CCDC178: variants seen among roughly 807,000 people sequenced by gnomAD.
CCDC178 encodes coiled-coil domain-containing protein 178.
A neutral mutation model predicts 117.4 loss-of-function variants in CCDC178; 126 were observed. The observed-to-expected ratio is 1.07, with a 90% confidence interval of 0.93 to 1.24. The LOEUF (loss-of-function observed/expected upper bound fraction) is 1.24. Among genes scored for constraint, CCDC178 ranks in the 50% most tolerant of loss-of-function variants. The probability of loss-of-function intolerance (pLI) is 0.00; values close to 1 mark genes in which losing one functional copy is unlikely to be tolerated. For synonymous variants in CCDC178, 283 were observed against 313.4 expected (o/e 0.90, Z 1.02); for missense variants, 1,030 against 986.9 (o/e 1.04, Z -0.59).
chr18:33,411,482 T>A (rs1416119654), intron 3 of CCDC178, among the ~76,000 whole-genome samples: 1 of 152,132 alleles, frequency 6.6e-6, no homozygotes, highest in African/African-American at 2.4e-5. Flanking sequence ...CTGTTTTATA[T>A]CATGCAAAGA....
intron 20 of CCDC178, among the ~76,000 whole-genome samples, chr18:33,174,125 G>A (rs1235388739): frequency 1.3e-5 from 2 of 151,742 alleles, no homozygotes; most frequent in African/African-American, 2.4e-5. Context: ...ATGGTGGAAG[G>A]CAAAGGGGGA....
chr18:32,964,677 C>T (rs536058079), intron 22 of CCDC178, among the ~76,000 whole-genome samples: 27 of 151,986 alleles, frequency 1.8e-4, no homozygotes, highest in African/African-American at 3.6e-4. Context: ...ACCTGCTTCA[C>T]GTCCCAGATG....
intron 11 of CCDC178, among the ~76,000 whole-genome samples, chr18:33,308,933 T>C (rs1308220536): frequency 6.6e-6 from 1 of 152,194 alleles, no homozygotes; most frequent in Non-Finnish European, 1.5e-5. Context: ...TCTTTATAAA[T>C]TACCCAGTGT....
intron 21 of CCDC178, among the ~76,000 whole-genome samples, chr18:33,026,789 A>C (rs1212108979): frequency 1.3e-5 from 2 of 151,942 alleles, no homozygotes; most frequent in Admixed American, 6.6e-5. Flanking sequence ...CAAATGAAGA[A>C]AAAAAGCAAT....
At chr18:33,370,756 G>A (rs145483452) in intron 5 of CCDC178, among the ~76,000 whole-genome samples, 2 of 151,866 alleles carry the variant, frequency 1.3e-5, no homozygotes, top group African/African-American at 4.8e-5. Flanking sequence ...AGTCTCATAC[G>A]AAGAGTGATT....
At chr18:33,344,471 A>C (rs1239923590) in intron 9 of CCDC178, among the ~76,000 whole-genome samples, 1 of 152,158 alleles carries the variant, frequency 6.6e-6, no homozygotes, top group Non-Finnish European at 1.5e-5. Flanking sequence ...TGTCACCCAT[A>C]ACAAATATTT....
intron 3 of CCDC178, among the ~76,000 whole-genome samples, chr18:33,402,445 G>A (rs180989888): frequency 3.3e-5 from 5 of 152,316 alleles, no homozygotes; most frequent in African/African-American, 4.8e-5. Flanking sequence ...GATATCGGAG[G>A]AGGAAGAAGA....
At chr18:33,314,069 C>T (rs1198155461) in intron 11 of CCDC178, among the ~76,000 whole-genome samples, 1 of 149,336 alleles carries the variant, frequency 6.7e-6, no homozygotes, top group African/African-American at 2.5e-5. Flanking sequence ...GGCGTAGTGG[C>T]GGGCGCCTGT....
At chr18:33,284,449 A>G (rs1030254766) in intron 12 of CCDC178, among the ~76,000 whole-genome samples, 3 of 152,228 alleles carry the variant, frequency 2.0e-5, no homozygotes, top group Admixed American at 1.3e-4. Flanking sequence ...TAATATTGAA[A>G]TAAGTTTTTA....
At position 33,180,994 on chromosome 18, in the gene CCDC178, CT is replaced by C. The variant is rs940735359; in HGVS notation, c.2238+30901del. On this transcript the variant is annotated intron_variant, in intron 20 of 22. Coordinates refer to ENST00000383096, the MANE Select transcript of CCDC178 (RefSeq NM_001105528.4). ...CACAATTTGGTGCATCCTCTAATGA[CT>C]TTTTTTTTCTAAAGGCAGCTTATAG... is the stretch of plus-strand genomic sequence containing the variant. Among the ~76,000 whole-genome samples, 358 of 151,606 alleles carry C rather than the reference CT, an allele frequency of 2.4e-3. 2 individuals are homozygous for C. The highest frequency in any genetic ancestry group is 7.8e-3 in the African/African-American group (322 of 41,408).
chr18:33,332,574 G>C (rs558832363), intron 10 of CCDC178, among the ~76,000 whole-genome samples: 1 of 151,850 alleles, frequency 6.6e-6, no homozygotes, highest in African/African-American at 2.4e-5. Flanking sequence ...TGAAGTTCTT[G>C]TTTTGTTTTG....
intron 12 of CCDC178, among the ~76,000 whole-genome samples, chr18:33,292,367 A>G (rs2060177424): frequency 6.6e-6 from 1 of 152,184 alleles, no homozygotes; most frequent in South Asian, 2.1e-4. Flanking sequence ...TGGAAGCTAA[A>G]CAGGTTGATC....
intron 22 of CCDC178, among the ~76,000 whole-genome samples, chr18:32,966,100 C>T (rs2054808413): frequency 6.6e-6 from 1 of 151,384 alleles, no homozygotes; most frequent in African/African-American, 2.4e-5. Flanking sequence ...AATGTTTACT[C>T]TATAATGTAT....
chr18:33,063,616 C>T (rs2056965648), intron 21 of CCDC178, among the ~76,000 whole-genome samples: 1 of 152,178 alleles, frequency 6.6e-6, no homozygotes, highest in African/African-American at 2.4e-5. Flanking sequence ...ACTACCACTA[C>T]ACACGCTGTA....
At chr18:33,276,894 G>A (rs953010143) in intron 12 of CCDC178, among the ~76,000 whole-genome samples, 3 of 152,028 alleles carry the variant, frequency 2.0e-5, no homozygotes, top group Non-Finnish European at 4.4e-5. Context: ...AAAGATTCTT[G>A]AGAAAATTCA....
At chr18:33,422,329 A>G (rs574364562) in intron 2 of CCDC178, among the ~76,000 whole-genome samples, 1 of 152,074 alleles carries the variant, frequency 6.6e-6, no homozygotes, top group East Asian at 1.9e-4. Context: ...GATTGTCTTT[A>G]CCCATTTTCC....
At position 33,194,558 on chromosome 18, in the gene CCDC178, T is replaced by A. The variant is rs115358128; in HGVS notation, c.2238+17338A>T. Among the ~76,000 whole-genome samples the A allele has an allele frequency of 7.0e-3, 1,073 of 152,270 alleles. 13 individuals carry two copies. Among genetic ancestry groups the A allele is most frequent in the African/African-American group, 0.025 (1,021 of 41,544 alleles). ...CACACCACACTCGCTTTTTCCCCCA[T>A]CCAATAAAACTTTGTATTTCTATTT... On this transcript the variant is annotated intron_variant, in intron 20 of 22. Coordinates refer to ENST00000383096, the MANE Select transcript of CCDC178 (RefSeq NM_001105528.4).
At chr18:33,100,168 C>A (rs562974894) in intron 20 of CCDC178, among the ~76,000 whole-genome samples, 18 of 151,970 alleles carry the variant, frequency 1.2e-4, no homozygotes, top group African/African-American at 4.3e-4. Flanking sequence ...TGCCCTACCC[C>A]AGCTCCCAAC....
At chr18:33,399,750 A>G (rs1215139896) in intron 3 of CCDC178, among the ~76,000 whole-genome samples, 2 of 152,124 alleles carry the variant, frequency 1.3e-5, no homozygotes, top group Non-Finnish European at 2.9e-5. Flanking sequence ...GAATCCCTCA[A>G]AGTCATCCAG....
Sources: gnomAD v4.1 joint callset for allele counts (sites outside exome capture counted in the v4.1 genomes callset) on GRCh38, gnomAD v4.1.1 for gene constraint, MANE v1.5 for transcripts, NCBI Gene and HGNC (gene_info 2026-07-23, HGNC 2026-07-21) for gene names.